The following LRBA variants were observed in gnomAD, a reference collection of about 807,000 sequenced individuals.
LRBA encodes the protein lipopolysaccharide-responsive and beige-like anchor protein.
A neutral mutation model predicts 330.0 loss-of-function variants in LRBA; 176 were observed. The ratio of observed to expected loss-of-function variants is 0.53; its 90% CI spans 0.47 to 0.60. The LOEUF (loss-of-function observed/expected upper bound fraction) is 0.60, where lower values mean the gene tolerates loss of function less well. Ranked by LOEUF, LRBA falls within the 20% of genes least tolerant of loss-of-function variation. The pLI, the probability that LRBA is intolerant of heterozygous loss-of-function variation, is 0.00. For missense variants in LRBA, 3,259 were observed against 3,444.8 expected, an observed-to-expected ratio of 0.95 and a Z score of 1.35; for synonymous variants, 1,230 against 1,193.0, an observed-to-expected ratio of 1.03 and a Z score of -0.64.
chr4:150,723,325 A>G (rs922082558), intron 36 of LRBA, among the ~76,000 whole-genome samples: 1 of 152,196 alleles, frequency 6.6e-6, no homozygotes, highest in African/African-American at 2.4e-5. Flanking sequence ...AGGAGAGCAA[A>G]GAGTAAAGAG....
At chr4:150,463,557 T>A (rs1581390684) in intron 44 of LRBA, among the ~76,000 whole-genome samples, 1 of 151,974 alleles carries the variant, frequency 6.6e-6, no homozygotes, top group African/African-American at 2.4e-5. Flanking sequence ...TTTTTACTTT[T>A]AATGTAGCAA....
intron 47 of LRBA, among the ~76,000 whole-genome samples, chr4:150,370,665 T>C (rs1740142180): frequency 6.6e-6 from 1 of 152,162 alleles, no homozygotes; most frequent in African/African-American, 2.4e-5. Flanking sequence ...CCAAAGACTT[T>C]AGTTAATAAT....
intron 49 of LRBA, among the ~76,000 whole-genome samples, 172 bp downstream of exon 49, chr4:150,325,637 T>C (rs991931934): frequency 9.9e-5 from 15 of 152,122 alleles, no homozygotes; most frequent in African/African-American, 3.6e-4. Flanking sequence ...TTCTCAAAGA[T>C]TCCAGGAGAC....
intron 2 of LRBA, among the ~76,000 whole-genome samples, chr4:150,932,845 G>A (rs556089052): frequency 2.6e-5 from 4 of 151,794 alleles, no homozygotes; most frequent in African/African-American, 9.7e-5. Context: ...GAACCCACGA[G>A]GCAGAGGTTG....
chr4:150,418,323 TTA>T (rs1386058120), intron 46 of LRBA, among the ~76,000 whole-genome samples: 2 of 152,206 alleles, frequency 1.3e-5, no homozygotes, highest in African/African-American at 4.8e-5. Flanking sequence ...TTATGAATTA[TTA>T]TGTTACTTTA....
chr4:150,906,493 T>C, intron 11 of LRBA, 88 bp from the exon 12 acceptor site: 1 of 674,896 alleles, frequency 1.5e-6, no homozygotes, highest in Non-Finnish European at 2.5e-6. Context: ...TCCATTCACC[T>C]TAATAAAAAG....
intron 53 of LRBA, among the ~76,000 whole-genome samples, chr4:150,295,780 A>G (rs1728909981): frequency 1.3e-5 from 2 of 152,236 alleles, no homozygotes; most frequent in South Asian, 4.1e-4. Flanking sequence ...CCATGTCAAT[A>G]TTACAAATTT....
rs181414820 is a variant in LRBA at position 150,525,517 on chromosome 4, T to C, written c.6331-34482A>G. Among the ~76,000 whole-genome samples the C allele has an allele frequency of 7.2e-5, 11 of 152,290 alleles. No homozygotes were observed. The East Asian group carries it at 2.1e-3, about 29-fold the overall frequency. ...ACACAGATTAGGTCATCATTCAAAC[T>C]AACCACAGATCTCTAGAACAAATAC... On this transcript the variant is annotated intron_variant, in intron 40 of 56. Coordinates refer to ENST00000651943, the MANE Select transcript of LRBA (RefSeq NM_001364905.1).
chr4:150,295,011 A>T (rs1728794481), intron 53 of LRBA, among the ~76,000 whole-genome samples: 1 of 151,938 alleles, frequency 6.6e-6, no homozygotes, highest in Middle Eastern at 3.2e-3. Flanking sequence ...ACTCTGTTAT[A>T]AACACTCCTT....
chr4:150,480,060 G>A (rs1302682774), intron 42 of LRBA, among the ~76,000 whole-genome samples: 3 of 152,094 alleles, frequency 2.0e-5, no homozygotes, highest in East Asian at 1.9e-4. Flanking sequence ...TTTCCACCAC[G>A]AATATGTTTC....
intron 37 of LRBA, among the ~76,000 whole-genome samples, chr4:150,638,329 CTTCT>C (rs1301354982): frequency 1.3e-5 from 2 of 152,120 alleles, no homozygotes; most frequent in Non-Finnish European, 2.9e-5. Flanking sequence ...GCCCGGCCAA[CTTCT>C]TTAATTATTA....
At chr4:151,011,882 C>T (rs1475618888) in intron 2 of LRBA, among the ~76,000 whole-genome samples, 6 of 151,704 alleles carry the variant, frequency 4.0e-5, no homozygotes, top group African/African-American at 1.5e-4. Context: ...CAGGGTCTCA[C>T]TATAGTGCCC....
intron 40 of LRBA, among the ~76,000 whole-genome samples, chr4:150,571,273 T>C (rs535118488): frequency 2.6e-5 from 4 of 152,172 alleles, no homozygotes; most frequent in Non-Finnish European, 5.9e-5. Flanking sequence ...GCTAATGATA[T>C]AGAGATTGCA....
chr4:150,406,008 T>C (rs1219946806), intron 47 of LRBA, among the ~76,000 whole-genome samples: 1 of 152,152 alleles, frequency 6.6e-6, no homozygotes, highest in African/African-American at 2.4e-5. Context: ...TGAGCCGTGA[T>C]TGTACCACTA....
chr4:150,589,508 C>T (rs1198673919), intron 39 of LRBA, among the ~76,000 whole-genome samples: 4 of 152,184 alleles, frequency 2.6e-5, no homozygotes, highest in Non-Finnish European at 4.4e-5. Flanking sequence ...CTTTTGCTGT[C>T]TCCTTTTGCC....
Position 150,350,203 on chromosome 4 carries a change from T to C in LRBA, c.7195-44A>G, listed in dbSNP as rs778635104. Reference sequence around the variant, plus strand: ...TGTATTACTATGCTGAATTCCTTTTTAAAAATATAGAGAGACATTTAGAGC... The same window carrying C: ...TGTATTACTATGCTGAATTCCTTTTCAAAAATATAGAGAGACATTTAGAGC... On this transcript the variant is annotated intron_variant, in intron 47 of 56. Coordinates refer to ENST00000651943, the MANE Select transcript of LRBA (RefSeq NM_001364905.1). 12 of 1,364,826 alleles carry C rather than the reference T, an allele frequency of 8.8e-6. No individual in the cohort carries two copies. In the South Asian group the frequency reaches 1.8e-4, roughly 20 times the overall value. 84.5% of individuals were successfully genotyped at this position (1,364,826 alleles called of 1,614,324 possible).
At chr4:150,764,358 A>C (rs1735476199) in intron 34 of LRBA, among the ~76,000 whole-genome samples, 1 of 151,968 alleles carries the variant, frequency 6.6e-6, no homozygotes, top group Admixed American at 6.6e-5. Flanking sequence ...GAAGAAATAA[A>C]ACTGTCTTTG....
chr4:150,569,859 G>T (rs1023671071), intron 40 of LRBA, among the ~76,000 whole-genome samples: 4 of 151,986 alleles, frequency 2.6e-5, no homozygotes, highest in Admixed American at 1.3e-4. Context: ...GAACTGACCT[G>T]TGTTAAAAAG....
chr4:150,349,723 T>C (rs1431078890), intron 48 of LRBA, among the ~76,000 whole-genome samples: 1 of 152,136 alleles, frequency 6.6e-6, no homozygotes, highest in Non-Finnish European at 1.5e-5. Flanking sequence ...ACCCCCAAAG[T>C]TATATAAAAT....
Sources: allele counts gnomAD v4.1 joint callset (sites outside exome capture counted in the v4.1 genomes callset), GRCh38; gene constraint gnomAD v4.1.1; transcripts MANE v1.5; gene names NCBI Gene and HGNC (gene_info 2026-07-23, HGNC 2026-07-21).